Variants in PDGFC observed in about 807,000 individuals in gnomAD.
PDGFC encodes platelet-derived growth factor C.
PDGFC carries 12 observed loss-of-function variants against 35.5 expected under a neutral mutation model. The ratio of observed to expected loss-of-function variants is 0.34; its 90% CI spans 0.22 to 0.55. PDGFC has a LOEUF of 0.55. Ranked by LOEUF, PDGFC falls within the 20% of genes least tolerant of loss-of-function variation. PDGFC has a pLI of 0.91. For synonymous variants in PDGFC, 159 were observed against 148.8 expected (o/e 1.07, Z -0.50); for missense variants, 322 against 412.4 (o/e 0.78, Z 1.90).
chr4:156,921,010 T>C (rs1731263536), intron 1 of PDGFC, among the ~76,000 whole-genome samples: 2 of 152,150 alleles, frequency 1.3e-5, no homozygotes, highest in South Asian at 2.1e-4. Context: ...AATGAACCTC[T>C]TGAATGCTAT....
chr4:156,894,945 T>C (rs1730595854), intron 1 of PDGFC, among the ~76,000 whole-genome samples: 1 of 152,200 alleles, frequency 6.6e-6, no homozygotes, highest in African/African-American at 2.4e-5. Flanking sequence ...TTTTACTAAT[T>C]CTGCATGCAA....
At chr4:156,764,652 T>C (rs955833061) in intron 5 of PDGFC, among the ~76,000 whole-genome samples, 14 of 152,234 alleles carry the variant, frequency 9.2e-5, no homozygotes, top group Admixed American at 3.3e-4. Flanking sequence ...TCTCATCTAT[T>C]TCACAATTCT....
intron 3 of PDGFC, among the ~76,000 whole-genome samples, chr4:156,780,490 G>A (rs902853256): frequency 5.9e-5 from 9 of 152,104 alleles, no homozygotes; most frequent in Non-Finnish European, 1.0e-4. Context: ...AAGGGAAATC[G>A]TGGAATGTTT....
intron 1 of PDGFC, among the ~76,000 whole-genome samples, chr4:156,857,300 T>C (rs183990750): frequency 4.4e-4 from 67 of 152,182 alleles, no homozygotes; most frequent in African/African-American, 1.3e-3. Flanking sequence ...TAACACATCA[T>C]TGGTCATCTG....
intron 2 of PDGFC, among the ~76,000 whole-genome samples, chr4:156,814,984 A>G (rs1168268368): frequency 1.3e-5 from 2 of 152,172 alleles, no homozygotes; most frequent in South Asian, 4.1e-4. Context: ...CTGGATTTGC[A>G]GCGAGACAGC....
At chr4:156,957,511 C>A (rs886395769) in intron 1 of PDGFC, among the ~76,000 whole-genome samples, 2 of 151,982 alleles carry the variant, frequency 1.3e-5, no homozygotes, top group African/African-American at 4.8e-5. Flanking sequence ...ATCCTTCACT[C>A]CCCACCTTGT....
At chr4:156,776,457 T>C (rs1285555133) in intron 3 of PDGFC, among the ~76,000 whole-genome samples, 1 of 152,234 alleles carries the variant, frequency 6.6e-6, no homozygotes, top group Non-Finnish European at 1.5e-5. Context: ...TTCTGCAATG[T>C]AGACAACTAA....
rs1209830970 is a variant in PDGFC, at chr4:156,891,829, G to A, written c.119-41413C>T. On this transcript the variant is annotated intron_variant, in intron 1 of 5. Transcript: ENST00000502773. ...TAATTCACCATTCATAATGCCAAAGGTAAAGCTTTGATTACAAGTGATCAT... is the reference window on the plus strand; with the variant it reads ...TAATTCACCATTCATAATGCCAAAGATAAAGCTTTGATTACAAGTGATCAT... Among the ~76,000 whole-genome samples the A allele has an allele frequency of 2.6e-4, 40 of 152,164 alleles. 1 individual carries two copies. Among genetic ancestry groups the A allele is most frequent in the Admixed American group, 2.6e-3 (40 of 15,274 alleles).
At chr4:156,785,964 T>C (rs563136438) in intron 3 of PDGFC, among the ~76,000 whole-genome samples, 9 of 152,334 alleles carry the variant, frequency 5.9e-5, no homozygotes, top group African/African-American at 1.9e-4. Context: ...TTGCCCTAAG[T>C]GTACAATGCT....
intron 1 of PDGFC, among the ~76,000 whole-genome samples, chr4:156,918,779 C>T (rs532702990): frequency 2.6e-5 from 4 of 152,278 alleles, no homozygotes; most frequent in East Asian, 3.9e-4. Flanking sequence ...AGGTCAGGGA[C>T]GGCTTCCTTA....
At position 156,766,120 on chromosome 4, in the gene PDGFC, A is replaced by G. The variant is rs145796336; in HGVS notation, c.921+1653T>C. Among the ~76,000 whole-genome samples the G allele has an allele frequency of 3.7e-3, 557 of 152,254 alleles. 3 individuals are homozygous for G. Among genetic ancestry groups the G allele is most frequent in the African/African-American group, 0.011 (452 of 41,550 alleles). ...TTTGTTTTCCTTAGCTCTCAATTCA[A>G]TAGAAACAAAGAAAAATAGACAATA... On this transcript the variant is annotated intron_variant, in intron 5 of 5. Coordinates refer to ENST00000502773, the MANE Select transcript of PDGFC (RefSeq NM_016205.3).
chr4:156,951,345 T>C (rs138358952), intron 1 of PDGFC, among the ~76,000 whole-genome samples: 263 of 152,008 alleles, frequency 1.7e-3, no homozygotes, highest in African/African-American at 6.0e-3. Flanking sequence ...ATTCATAATA[T>C]ACATGTTCCT....
intron 1 of PDGFC, among the ~76,000 whole-genome samples, chr4:156,930,909 T>C (rs936260503): frequency 1.3e-4 from 20 of 152,156 alleles, no homozygotes; most frequent in African/African-American, 4.8e-4. Context: ...AGGTTTAAAA[T>C]GTATAAATCT....
At chr4:156,936,892 T>C (rs185278866) in intron 1 of PDGFC, among the ~76,000 whole-genome samples, 25 of 152,186 alleles carry the variant, frequency 1.6e-4, no homozygotes, top group Middle Eastern at 3.4e-3. Context: ...CATTTGAAAA[T>C]AGGAACGAAG....
intron 1 of PDGFC, among the ~76,000 whole-genome samples, chr4:156,852,340 A>G (rs1729477698): frequency 6.6e-6 from 1 of 152,152 alleles, no homozygotes; most frequent in Non-Finnish European, 1.5e-5. Flanking sequence ...AGAGTTTACT[A>G]AGTCCTATGA....
intron 1 of PDGFC, among the ~76,000 whole-genome samples, chr4:156,860,792 C>T (rs888354783): frequency 2.6e-5 from 4 of 151,828 alleles, no homozygotes; most frequent in African/African-American, 9.7e-5. Context: ...CCACATAAAC[C>T]CTCAAAGCAT....
chr4:156,876,738 T>C (rs1181700628), intron 1 of PDGFC: 1 of 152,188 alleles, frequency 6.6e-6, no homozygotes, highest in African/African-American at 2.4e-5. Context: ...GGTGAGAACC[T>C]TGGAATCTTA....
chr4:156,918,346 T>C (rs2110830764), intron 1 of PDGFC, among the ~76,000 whole-genome samples: 1 of 152,314 alleles, frequency 6.6e-6, no homozygotes, highest in African/African-American at 2.4e-5. Flanking sequence ...ACTAAAGATA[T>C]GCAACAAATA....
chr4:156,769,013 T>G (rs565048077), intron 4 of PDGFC, among the ~76,000 whole-genome samples: 1 of 151,990 alleles, frequency 6.6e-6, no homozygotes, highest in African/African-American at 2.4e-5. Context: ...CTCTGCCTAT[T>G]TTTTTCCCCT....
Sources: allele counts gnomAD v4.1 joint callset (sites outside exome capture counted in the v4.1 genomes callset), GRCh38; gene constraint gnomAD v4.1.1; transcripts MANE v1.5; gene names NCBI Gene and HGNC (gene_info 2026-07-23, HGNC 2026-07-21).